GLIS3: variants seen among roughly 807,000 people sequenced by gnomAD.
The protein encoded by GLIS3 is GLIS family zinc finger 3, also known as zinc finger protein GLIS3.
In GLIS3, 53 loss-of-function variants were observed where a neutral mutation model predicts 78.6. The observed-to-expected ratio is 0.67, with a 90% CI of 0.54 to 0.85. The LOEUF (loss-of-function observed/expected upper bound fraction) is 0.85, where lower values mean the gene tolerates loss of function less well. Ranked by LOEUF, GLIS3 falls within the 40% of genes least tolerant of loss-of-function variation. The pLI is 0.00. For synonymous variants in GLIS3, 684 were observed against 509.9 expected (o/e 1.34, Z -4.60); for missense variants, 1,703 against 1,231.1 (o/e 1.38, Z -5.74).
chr9:4,008,357 C>A (rs924144884), intron 4 of GLIS3, among the ~76,000 whole-genome samples: 1 of 152,182 alleles, frequency 6.6e-6, no homozygotes, highest in Admixed American at 6.5e-5. Flanking sequence ...AGTAAGAACA[C>A]TGGTCCCAGA....
chr9:3,889,975 A>C (rs1822324111), intron 7 of GLIS3, among the ~76,000 whole-genome samples: 1 of 152,166 alleles, frequency 6.6e-6, no homozygotes, highest in African/African-American at 2.4e-5. Context: ...ACTAAATTTG[A>C]GGTAAGCAAC....
At chr9:4,202,037 T>C (rs1005412754) in intron 2 of GLIS3, among the ~76,000 whole-genome samples, 31 of 151,996 alleles carry the variant, frequency 2.0e-4, no homozygotes, top group African/African-American at 7.5e-4. Flanking sequence ...TATAGGGAAG[T>C]TGAGGCAGGA....
chr9:3,953,806 T>C (rs1816894161), intron 4 of GLIS3, among the ~76,000 whole-genome samples: 1 of 63,882 alleles, frequency 1.6e-5, no homozygotes, highest in African/African-American at 5.2e-5. Context: ...TATATATATA[T>C]ATATATATAT....
intron 8 of GLIS3, among the ~76,000 whole-genome samples, chr9:3,870,910 C>T (rs1036770266): frequency 1.3e-5 from 2 of 152,204 alleles, no homozygotes; most frequent in Admixed American, 6.5e-5. Flanking sequence ...AAAAGTCCAC[C>T]GTCCAAAGTC....
chr9:3,994,374 G>A (rs928649891), intron 4 of GLIS3, among the ~76,000 whole-genome samples: 5 of 152,136 alleles, frequency 3.3e-5, no homozygotes, highest in Non-Finnish European at 7.3e-5. Flanking sequence ...AAGGAATGCT[G>A]GCAAGAGAGG....
At chr9:4,243,799 G>A (rs975900338) in intron 2 of GLIS3, among the ~76,000 whole-genome samples, 4 of 152,136 alleles carry the variant, frequency 2.6e-5, no homozygotes, top group Admixed American at 1.3e-4. Flanking sequence ...CAGCTGTCGA[G>A]TTTGTAACTA....
At chr9:4,343,059 C>G (rs1275539720) in intron 2 of GLIS3, among the ~76,000 whole-genome samples, 1 of 152,086 alleles carries the variant, frequency 6.6e-6, no homozygotes, top group Non-Finnish European at 1.5e-5. Flanking sequence ...ACAGTGAGGC[C>G]CAGGCATGGT....
At chr9:4,425,546 C>A in the GLIS3 span, among the ~76,000 whole-genome samples, 2 of 152,196 alleles carry the variant, frequency 1.3e-5, no homozygotes, top group African/African-American at 2.4e-5. Context: ...CCACAGATTG[C>A]CTCATTCTCA....
chr9:4,343,024 C>T (rs1399580632), intron 2 of GLIS3, among the ~76,000 whole-genome samples: 2 of 152,118 alleles, frequency 1.3e-5, no homozygotes, highest in African/African-American at 2.4e-5. Flanking sequence ...CATTGATAAT[C>T]ATTAGAGAAA....
intron 2 of GLIS3, among the ~76,000 whole-genome samples, chr9:4,264,365 C>A (rs946766282): frequency 2.0e-5 from 3 of 152,240 alleles, no homozygotes; most frequent in Non-Finnish European, 2.9e-5. Flanking sequence ...CTACAATAAC[C>A]TAACTGGTTG....
intron 4 of GLIS3, among the ~76,000 whole-genome samples, chr9:3,976,259 G>A (rs964264511): frequency 2.6e-5 from 4 of 152,024 alleles, no homozygotes; most frequent in Non-Finnish European, 5.9e-5. Flanking sequence ...GATGAGAGGG[G>A]AGGCAGGTTA....
At chr9:3,935,867 T>A (rs1382629537) in intron 5 of GLIS3, among the ~76,000 whole-genome samples, 1 of 152,182 alleles carries the variant, frequency 6.6e-6, no homozygotes, top group African/African-American at 2.4e-5. Flanking sequence ...TCTAATTATA[T>A]TTGAGATATT....
At chr9:4,121,172 C>T (rs938924791) in intron 3 of GLIS3, among the ~76,000 whole-genome samples, 2 of 152,254 alleles carry the variant, frequency 1.3e-5, no homozygotes, top group Non-Finnish European at 2.9e-5. Flanking sequence ...AGCAGCCAGT[C>T]TTCCTCCTGT....
intron 2 of GLIS3, among the ~76,000 whole-genome samples, chr9:4,166,015 G>C (rs1411719551): frequency 6.6e-6 from 1 of 152,194 alleles, no homozygotes; most frequent in African/African-American, 2.4e-5. Context: ...GACAGGTTCT[G>C]AGGCGAGAGA....
chr9:4,137,662 G>T (rs954701867), intron 2 of GLIS3, among the ~76,000 whole-genome samples: 4 of 152,130 alleles, frequency 2.6e-5, no homozygotes, highest in Non-Finnish European at 4.4e-5. Flanking sequence ...TATTCCTGGA[G>T]TTTGTATTCT....
At chr9:4,262,430 C>T (rs7024735) in intron 2 of GLIS3, among the ~76,000 whole-genome samples, 32,342 of 151,738 alleles carry the variant, frequency 0.21, 3,588 homozygotes, top group Admixed American at 0.25. Context: ...GATGGGGGCC[C>T]AAGAGGCTAA....
intron 4 of GLIS3, among the ~76,000 whole-genome samples, chr9:4,041,091 C>T (rs527941346): frequency 1.2e-4 from 19 of 152,226 alleles, no homozygotes; most frequent in Non-Finnish European, 2.6e-4. Flanking sequence ...AGGACATCTG[C>T]AAGGCAGGCA....
chr9:3,916,160 G>T (rs1824495873), intron 6 of GLIS3, among the ~76,000 whole-genome samples: 1 of 152,180 alleles, frequency 6.6e-6, no homozygotes, highest in Non-Finnish European at 1.5e-5. Flanking sequence ...AGAAACCCAA[G>T]AGTCTGTTGA....
the GLIS3 span, among the ~76,000 whole-genome samples, chr9:4,355,811 C>CAG: frequency 5.1e-4 from 77 of 152,226 alleles, no homozygotes; most frequent in African/African-American, 1.7e-3. Flanking sequence ...ATGAAAGAGT[C>CAG]AGTGGTGGCA....
Sources: gnomAD v4.1 joint callset for allele counts (sites outside exome capture counted in the v4.1 genomes callset) on GRCh38, gnomAD v4.1.1 for gene constraint, MANE v1.5 for transcripts, NCBI Gene and HGNC (gene_info 2026-07-23, HGNC 2026-07-21) for gene names.